The following MYO3B variants were observed in gnomAD, a reference collection of about 807,000 sequenced individuals.
MYO3B encodes myosin IIIB.
A neutral mutation model predicts 174.6 loss-of-function variants in MYO3B; 156 were observed. The observed-to-expected ratio is 0.89, with a 90% CI of 0.78 to 1.02. MYO3B has a LOEUF of 1.02. Ranked by LOEUF, MYO3B falls within the 50% of genes least tolerant of loss-of-function variation. The pLI is 0.00. For synonymous variants in MYO3B, 563 were observed against 569.1 expected (o/e 0.99, Z 0.15); for missense variants, 1,632 against 1,639.4 (o/e 1.00, Z 0.08).
intron 32 of MYO3B, among the ~76,000 whole-genome samples, chr2:170,629,481 A>G (rs1338503457): frequency 6.6e-6 from 1 of 152,240 alleles, no homozygotes; most frequent in African/African-American, 2.4e-5. Flanking sequence ...CTAAAAACAA[A>G]TATACCCTGA....
At chr2:170,459,452 G>A (rs1373492850) in intron 23 of MYO3B, among the ~76,000 whole-genome samples, 2 of 152,196 alleles carry the variant, frequency 1.3e-5, no homozygotes, top group Non-Finnish European at 2.9e-5. Context: ...ACAGAGCACT[G>A]ATAGGTGCAT....
rs1050538117 is a variant in MYO3B, at chr2:170,589,428, C to T, written c.3733+45440C>T. 7.2e-5 allele frequency among the ~76,000 whole-genome samples: 11 copies of T among 152,232 alleles called. No individual in the cohort carries two copies. In the East Asian group the frequency reaches 1.7e-3, roughly 24 times the overall value. On this transcript the variant is annotated intron_variant, in intron 32 of 34. Transcript: ENST00000408978. ...AGGAGATGACAGATCCGTGCATATTCTTGCCTCTGAAGACCTTCCAGTGGG... is the reference window on the plus strand; with the variant it reads ...AGGAGATGACAGATCCGTGCATATTTTTGCCTCTGAAGACCTTCCAGTGGG...
At position 170,459,177 on chromosome 2, in the gene MYO3B, G is replaced by A. The variant is rs548865937; in HGVS notation, c.2731-4191G>A. On this transcript the variant is annotated intron_variant, in intron 23 of 34. Coordinates refer to ENST00000408978, the MANE Select transcript of MYO3B (RefSeq NM_138995.5). ...AGTGAAAGAACAAAGCTTCCACAGC[G>A]TGGAAAGGGACCCCAGCGGGTTGCC... 1.2e-4 allele frequency among the ~76,000 whole-genome samples: 18 copies of A among 152,348 alleles called. No homozygotes were observed. The South Asian group carries it at 3.5e-3, about 30-fold the overall frequency.
intron 7 of MYO3B, among the ~76,000 whole-genome samples, chr2:170,258,786 A>T (rs996905772): frequency 1.3e-5 from 2 of 152,194 alleles, no homozygotes; most frequent in African/African-American, 4.8e-5. Flanking sequence ...TTCACTGATG[A>T]TATGATTTGA....
At position 170,199,597 on chromosome 2, in the gene MYO3B, T is replaced by C. The variant is rs555027676; in HGVS notation, c.186+206T>C. Among the ~76,000 whole-genome samples, 16 of 152,314 alleles carry C rather than the reference T, an allele frequency of 1.1e-4. No individual in the cohort carries two copies. The South Asian group carries it at 3.3e-3, about 32-fold the overall frequency. ...CTTTTGTTTCTTGTCCATTTTACTGTTGTGTTGGTTTGGGACCACTGGGAT... is the reference window on the plus strand; with the variant it reads ...CTTTTGTTTCTTGTCCATTTTACTGCTGTGTTGGTTTGGGACCACTGGGAT... On this transcript the variant is annotated intron_variant, in intron 2 of 34. Transcript: ENST00000408978.
rs1438296990 is a variant in MYO3B, at chr2:170,387,161, C to T, written c.1430C>T (p.Ala477Val). The T allele has an allele frequency of 6.2e-7, 1 of 1,613,992 alleles. No individual in the cohort carries two copies. Among genetic ancestry groups the T allele is most frequent in the African/African-American group, 1.3e-5 (1 of 74,924 alleles). ...KILQVNSLVE[A>V]FGNSCTAIND... Reference sequence around the variant, plus strand: ...CTACAAGTCAACTCCCTGGTGGAAGCCTTTGGGAACTCATGCACTGCCATC... The same window carrying T: ...CTACAAGTCAACTCCCTGGTGGAAGTCTTTGGGAACTCATGCACTGCCATC... Residue 477 changes from alanine to valine, a missense_variant, in exon 14 of 35, where the codon GCC becomes GTC. By Grantham distance (64) the Ala-to-Val change is moderately conservative. Transcript: ENST00000408978.
intron 7 of MYO3B, among the ~76,000 whole-genome samples, chr2:170,249,462 A>G (rs2093228272): frequency 6.6e-6 from 1 of 152,172 alleles, no homozygotes; most frequent in Admixed American, 6.5e-5. Flanking sequence ...CTTGAGGGAG[A>G]AGAGAAATAA....
In MYO3B at chr2:170,402,829, GTTC is replaced by G. The variant is rs752874131; in HGVS notation, c.2130-14_2130-12del. ...GGTGTTTCCTCCCCTAAAGAGTTTT[GTTC>G]TTCTCTCTCATGCAGTAGTGCAGGA... On this transcript the variant is annotated splice_polypyrimidine_tract_variant and intron_variant, in intron 18 of 34. Transcript: ENST00000408978. 3.2e-6 allele frequency: 5 copies of G among 1,585,332 alleles called. No individual in the cohort carries two copies. Among genetic ancestry groups the G allele is most frequent in the Non-Finnish European group, 4.3e-6 (5 of 1,159,662 alleles).
chr2:170,606,351 G>A (rs780439960), intron 32 of MYO3B, among the ~76,000 whole-genome samples: 2 of 152,066 alleles, frequency 1.3e-5, no homozygotes, highest in Non-Finnish European at 2.9e-5. Flanking sequence ...ATCTGCCTCC[G>A]GGACATGGAG....
intron 32 of MYO3B, among the ~76,000 whole-genome samples, chr2:170,624,407 G>A (rs376789275): frequency 2.6e-5 from 4 of 152,178 alleles, no homozygotes; most frequent in Admixed American, 6.5e-5. Flanking sequence ...ATTTTTGCAC[G>A]TTGATTTTGT....
chr2:170,326,502 T>C (rs989765271), intron 7 of MYO3B, among the ~76,000 whole-genome samples: 9 of 152,110 alleles, frequency 5.9e-5, no homozygotes, highest in South Asian at 2.1e-4. Context: ...CGAGTTCTTA[T>C]TGAAGGAGGA....
At chr2:170,327,946 G>C (rs1021652994) in intron 7 of MYO3B, among the ~76,000 whole-genome samples, 1 of 150,896 alleles carries the variant, frequency 6.6e-6, no homozygotes, top group African/African-American at 2.4e-5. Flanking sequence ...TTGTCACCCA[G>C]GCTGGAGTAC....
Position 170,466,587 on chromosome 2 carries a change from G to C in MYO3B, c.2890G>C (p.Glu964Gln), listed in dbSNP as rs370373670. Residue 964 changes from glutamate to glutamine, a missense_variant, in exon 25 of 35, where the codon GAG becomes CAG. Transcript: ENST00000408978. Reference sequence around the variant, plus strand: ...CTGCATTAAACCCAATGATGACCGAGAGGCCCTGCAGTTCTCTCGAGAGAG... The same window carrying C: ...CTGCATTAAACCCAATGATGACCGACAGGCCCTGCAGTTCTCTCGAGAGAG... ...VRCIKPNDDREALQFSRERVL... is the reference protein window; with the variant it reads ...VRCIKPNDDRQALQFSRERVL... 2 of 1,614,108 alleles carry C rather than the reference G, an allele frequency of 1.2e-6. No individual in the cohort carries two copies. The highest frequency in any genetic ancestry group is 2.7e-5 in the African/African-American group (2 of 74,940).
At chr2:170,648,950 AAAT>A (rs1454979242) in intron 32 of MYO3B, among the ~76,000 whole-genome samples, 8 of 67,296 alleles carry the variant, frequency 1.2e-4, no homozygotes, top group South Asian at 6.6e-4. Flanking sequence ...AATATATATA[AAAT>A]AATATATAAT....
intron 31 of MYO3B, among the ~76,000 whole-genome samples, 199 bp downstream of exon 31, chr2:170,543,165 GGAGA>G (rs765525161): frequency 7.2e-5 from 11 of 152,146 alleles, no homozygotes; most frequent in Non-Finnish European, 1.2e-4. Flanking sequence ...GAGGTACAGG[GGAGA>G]GAGAATCAAA....
chr2:170,270,390 C>T (rs2093417037), intron 7 of MYO3B, among the ~76,000 whole-genome samples: 1 of 152,030 alleles, frequency 6.6e-6, no homozygotes, highest in African/African-American at 2.4e-5. Context: ...AATCAAGAAC[C>T]AGAGATTTTA....
chr2:170,622,827 GT>G (rs1696055531), intron 32 of MYO3B, among the ~76,000 whole-genome samples: 1 of 150,494 alleles, frequency 6.6e-6, no homozygotes, highest in African/African-American at 2.4e-5. Flanking sequence ...GCGGTGTTTG[GT>G]TTTTTGTCCT....
At chr2:170,473,293 C>T (rs1685100349) in intron 25 of MYO3B, among the ~76,000 whole-genome samples, 1 of 151,818 alleles carries the variant, frequency 6.6e-6, no homozygotes, top group African/African-American at 2.4e-5. Context: ...CAGGCACCTA[C>T]CACCATGCCC....
At chr2:170,538,211 T>A (rs1054087190) in intron 30 of MYO3B, among the ~76,000 whole-genome samples, 5 of 152,224 alleles carry the variant, frequency 3.3e-5, no homozygotes, top group South Asian at 2.1e-4. Context: ...AGCACCCTGC[T>A]TCTTTTGCTT....
Sources: gnomAD v4.1 joint callset for allele counts (sites outside exome capture counted in the v4.1 genomes callset) on GRCh38, gnomAD v4.1.1 for gene constraint, MANE v1.5 for transcripts, NCBI Gene and HGNC (gene_info 2026-07-23, HGNC 2026-07-21) for gene names.